ARID4B: variants seen among roughly 807,000 people sequenced by gnomAD.
ARID4B encodes AT-rich interactive domain-containing protein 4B.
Under a neutral mutation model 147.5 loss-of-function variants are expected in ARID4B, and 26 were observed. The ratio of observed to expected loss-of-function variants is 0.18; its 90% CI spans 0.13 to 0.24. ARID4B has a LOEUF of 0.24. ARID4B is among the 10% of genes least tolerant of loss of function. The probability of loss-of-function intolerance (pLI) is 1.00; values close to 1 mark genes in which losing one functional copy is unlikely to be tolerated. For missense variants in ARID4B, 1,179 were observed against 1,511.5 expected, an observed-to-expected ratio of 0.78 and a Z score of 3.65; for synonymous variants, 512 against 507.9, an observed-to-expected ratio of 1.01 and a Z score of -0.11.
chr1:235,260,286 T>C (rs1311341072), intron 3 of ARID4B, among the ~76,000 whole-genome samples: 1 of 152,178 alleles, frequency 6.6e-6, no homozygotes, highest in Non-Finnish European at 1.5e-5. Flanking sequence ...AATTCTGCCA[T>C]GAATTTGGCA....
chr1:235,181,530 A>C, intron 20 of ARID4B, 55 bp downstream of exon 20: 1 of 1,553,240 alleles, frequency 6.4e-7, no homozygotes, highest in Non-Finnish European at 8.7e-7. Context: ...GAAATCATTG[A>C]AACTTTAAGA....
intron 2 of ARID4B, among the ~76,000 whole-genome samples, chr1:235,277,810 A>G (rs1030802560): frequency 4.2e-4 from 64 of 152,186 alleles, no homozygotes; most frequent in African/African-American, 1.5e-3. Flanking sequence ...TTCACTTAGG[A>G]CCATAAGAAA....
chr1:235,183,582 G>C (rs1471784635), intron 19 of ARID4B, among the ~76,000 whole-genome samples: 1 of 152,068 alleles, frequency 6.6e-6, no homozygotes, highest in Non-Finnish European at 1.5e-5. Flanking sequence ...TCTCATCCAA[G>C]CTGGAGTGCA....
rs1254937918 is a variant in ARID4B at position 235,327,806 on chromosome 1, A to G, written c.-87T>C. The stretch of plus-strand genomic sequence containing the variant: ...CGAGATCTGACCCTGGCACGTCCAG[A>G]GTCCCCTCTCTCCTTCTCCCCCCCA... On this transcript the variant is annotated 5_prime_UTR_variant, in exon 1 of 24. Transcript: ENST00000264183. The G allele has an allele frequency of 6.5e-6, 1 of 152,768 alleles. No individual in the cohort carries two copies. Among genetic ancestry groups the G allele is most frequent in the Non-Finnish European group, 1.5e-5 (1 of 68,488 alleles). The allele number at this position is 152,768 out of a possible 1,614,324, so 9.5% of individuals were successfully genotyped here. A position where few individuals can be genotyped will look rare whatever the true frequency, so the allele number is the denominator to read the frequency against.
chr1:235,228,093 C>T (rs1373108386), intron 11 of ARID4B, among the ~76,000 whole-genome samples: 1 of 151,834 alleles, frequency 6.6e-6, no homozygotes, highest in Admixed American at 6.6e-5. Context: ...CTCGGCCTCA[C>T]AGAGTGCTAG....
At chr1:235,313,585 T>C (rs966033027) in intron 2 of ARID4B, among the ~76,000 whole-genome samples, 1 of 152,174 alleles carries the variant, frequency 6.6e-6, no homozygotes, top group Non-Finnish European at 1.5e-5. Flanking sequence ...AAAACAATTT[T>C]TGCCATACAT....
intron 19 of ARID4B, 47 bp from the exon 20 acceptor site, chr1:235,182,840 G>A: frequency 1.3e-6 from 2 of 1,521,358 alleles, no homozygotes; most frequent in South Asian, 1.3e-5. Flanking sequence ...AAGAACACTA[G>A]CAATGTCTTC....
intron 2 of ARID4B, among the ~76,000 whole-genome samples, chr1:235,286,852 G>A (rs1258304786): frequency 2.0e-5 from 3 of 152,220 alleles, no homozygotes; most frequent in Non-Finnish European, 2.9e-5. Context: ...TTAGGAATCT[G>A]CTACCATAAT....
At chr1:235,288,271 T>G (rs1422885857) in intron 2 of ARID4B, among the ~76,000 whole-genome samples, 2 of 151,890 alleles carry the variant, frequency 1.3e-5, no homozygotes, top group Non-Finnish European at 2.9e-5. Flanking sequence ...ATTGCACCAC[T>G]GCACTCCAGC....
At chr1:235,292,431 T>C (rs1361789487) in intron 2 of ARID4B, among the ~76,000 whole-genome samples, 4 of 152,088 alleles carry the variant, frequency 2.6e-5, no homozygotes, top group African/African-American at 4.8e-5. Context: ...CTGTCCAACA[T>C]GGTGAAACCC....
In ARID4B at chr1:235,181,817, A is replaced by C; in HGVS notation, c.3102T>G (p.Thr1034=). ...PTTPESPSSV[T]VTEGSRQQSS... ...ACTGCTGCCGGCTGCCTTCTGTTAC[A>C]GTGACTGATGAAGGCGATTCAGGTG... The change falls in exon 20 of 24, where the codon ACT becomes ACG. Residue 1034 remains threonine, a synonymous_variant. Transcript: ENST00000264183. 6.2e-7 allele frequency: 1 copy of C among 1,614,202 alleles called. No individual in the cohort carries two copies. The highest frequency in any genetic ancestry group is 8.5e-7 in the Non-Finnish European group (1 of 1,180,040).
intron 8 of ARID4B, among the ~76,000 whole-genome samples, chr1:235,235,938 T>C (rs1218371517): frequency 6.7e-6 from 1 of 150,342 alleles, no homozygotes; most frequent in African/African-American, 2.5e-5. Flanking sequence ...GTTTCCTTTT[T>C]CTTTTTCTTT....
Position 235,255,219 on chromosome 1 carries a change from C to CTATATATATATA in ARID4B, c.274+440_274+441insTATATATATATA, listed in dbSNP as rs370660682. Among the ~76,000 whole-genome samples the CTATATATATATA allele has an allele frequency of 4.0e-3, 505 of 127,624 alleles. 1 individual carries two copies. The highest frequency in any genetic ancestry group is 6.7e-3 in the Admixed American group (86 of 12,810). The allele number at this position is 127,624 out of a possible 152,430, so 83.7% of individuals were successfully genotyped here. ...CTACTACTTTGTTTCCTGCTGGGAG[C>CTATATATATATA]TAGATAGATAGATAGATAGATAGAT... On this transcript the variant is annotated intron_variant, in intron 5 of 23. Transcript: ENST00000264183.
At chr1:235,180,942 T>G (rs1664272069) in intron 20 of ARID4B, 1 of 209,270 alleles carries the variant, frequency 4.8e-6, no homozygotes, top group Non-Finnish European at 8.6e-6. Flanking sequence ...GGTACCGATT[T>G]GAATTTCCAC....
intron 20 of ARID4B, 104 bp downstream of exon 20, chr1:235,181,481 T>C (rs900378288): frequency 7.2e-7 from 1 of 1,392,066 alleles, no homozygotes; most frequent in Non-Finnish European, 9.7e-7. Flanking sequence ...CACACAAATA[T>C]GACACTTAAT....
intron 2 of ARID4B, among the ~76,000 whole-genome samples, chr1:235,276,712 T>C (rs1340328892): frequency 6.6e-6 from 1 of 152,034 alleles, no homozygotes; most frequent in East Asian, 1.9e-4. Context: ...AAAAAAGAGA[T>C]GTTGGCCAGG....
intron 2 of ARID4B, among the ~76,000 whole-genome samples, chr1:235,264,800 G>C (rs935400537): frequency 6.6e-6 from 1 of 151,440 alleles, no homozygotes; most frequent in African/African-American, 2.4e-5. Flanking sequence ...GCTCATGCCT[G>C]TAATCCCAGC....
At chr1:235,301,383 C>CA (rs1233673869) in intron 2 of ARID4B, among the ~76,000 whole-genome samples, 1 of 151,428 alleles carries the variant, frequency 6.6e-6, no homozygotes, top group Non-Finnish European at 1.5e-5. Context: ...ACAAAAAATA[C>CA]AAAAAATTAG....
intron 10 of ARID4B, among the ~76,000 whole-genome samples, chr1:235,230,350 G>A (rs558643296): frequency 1.7e-4 from 25 of 150,940 alleles, no homozygotes; most frequent in Non-Finnish European, 3.4e-4. Flanking sequence ...GGAGGTGGAG[G>A]GTGCACCGAG....
Sources: gnomAD v4.1 joint callset for allele counts (sites outside exome capture counted in the v4.1 genomes callset) on GRCh38, gnomAD v4.1.1 for gene constraint, MANE v1.5 for transcripts, NCBI Gene and HGNC (gene_info 2026-07-23, HGNC 2026-07-21) for gene names.